The following TSPAN9 variants were observed in gnomAD, a reference collection of about 807,000 sequenced individuals.
TSPAN9 encodes the protein tetraspanin-9.
TSPAN9 carries 16 observed loss-of-function variants against 31.0 expected under a neutral mutation model. The ratio of observed to expected loss-of-function variants is 0.52; its 90% CI spans 0.35 to 0.78. TSPAN9 has a LOEUF of 0.78. Among genes scored for constraint, TSPAN9 ranks in the 30% least tolerant of loss-of-function variants. The pLI, the probability that TSPAN9 is intolerant of heterozygous loss-of-function variation, is 0.01. For synonymous variants in TSPAN9, 145 were observed against 121.6 expected (o/e 1.19, Z -1.27); for missense variants, 272 against 312.5 (o/e 0.87, Z 0.98).
intron 3 of TSPAN9, among the ~76,000 whole-genome samples, chr12:3,265,181 C>CA (rs1280082865): frequency 6.6e-6 from 1 of 152,204 alleles, no homozygotes. Flanking sequence ...TACTCTTTTC[C>CA]AAAAAGCAGA....
intron 3 of TSPAN9, chr12:3,215,176 G>T (rs1351214449): frequency 6.6e-6 from 1 of 152,276 alleles, no homozygotes; most frequent in Non-Finnish European, 1.5e-5. Flanking sequence ...CGCTTCTCTG[G>T]TGGTTGTGAG....
chr12:3,146,030 G>C (rs945628935), intron 2 of TSPAN9, among the ~76,000 whole-genome samples: 2 of 152,356 alleles, frequency 1.3e-5, no homozygotes, highest in Admixed American at 1.3e-4. Context: ...GCTCCCGCAG[G>C]CACAGGCACG....
intron 2 of TSPAN9, among the ~76,000 whole-genome samples, chr12:3,132,129 A>G (rs112453282): frequency 6.2e-4 from 95 of 152,316 alleles, no homozygotes; most frequent in African/African-American, 2.1e-3. Context: ...ATACTACTCC[A>G]TTATACCTAT....
chr12:3,244,397 G>T (rs532422738), intron 3 of TSPAN9, among the ~76,000 whole-genome samples: 1 of 152,082 alleles, frequency 6.6e-6, no homozygotes, highest in Non-Finnish European at 1.5e-5. Context: ...ACCTACTCCC[G>T]CTCCACCCCA....
chr12:3,080,336 T>TTTG (rs996772754), intron 1 of TSPAN9, among the ~76,000 whole-genome samples: 3 of 152,108 alleles, frequency 2.0e-5, no homozygotes, highest in Non-Finnish European at 4.4e-5. Flanking sequence ...AAATCTTTTT[T>TTTG]TTGTTGTTGT....
intron 2 of TSPAN9, among the ~76,000 whole-genome samples, chr12:3,115,706 C>T (rs1195692361): frequency 6.6e-6 from 1 of 152,182 alleles, no homozygotes; most frequent in African/African-American, 2.4e-5. Flanking sequence ...CTGAAGTCTC[C>T]ATCTTCATGA....
intron 2 of TSPAN9, among the ~76,000 whole-genome samples, chr12:3,086,742 G>T (rs575612133): frequency 6.6e-6 from 1 of 152,206 alleles, no homozygotes; most frequent in Non-Finnish European, 1.5e-5. Context: ...AACTCTCACA[G>T]CACGTTTGTG....
chr12:3,129,725 A>G (rs1285980059), intron 2 of TSPAN9, among the ~76,000 whole-genome samples: 1 of 152,230 alleles, frequency 6.6e-6, no homozygotes, highest in East Asian at 1.9e-4. Context: ...AGCTTAAGCA[A>G]AAATTAAGAG....
chr12:3,224,335 G>A (rs922152264), intron 3 of TSPAN9, among the ~76,000 whole-genome samples: 9 of 152,236 alleles, frequency 5.9e-5, no homozygotes, highest in African/African-American at 9.6e-5. Context: ...TGTGCTAGGC[G>A]CCCTCACGGG....
At chr12:3,194,625 G>A (rs940772014) in intron 2 of TSPAN9, among the ~76,000 whole-genome samples, 3 of 152,120 alleles carry the variant, frequency 2.0e-5, no homozygotes, top group Admixed American at 1.3e-4. Context: ...GGGCTCAAGC[G>A]ATTCACCTGC....
At chr12:3,204,250 C>T (rs921678617) in intron 3 of TSPAN9, among the ~76,000 whole-genome samples, 6 of 152,318 alleles carry the variant, frequency 3.9e-5, no homozygotes, top group Admixed American at 2.6e-4. Flanking sequence ...CCAAACTCAC[C>T]GCTGCCGCCA....
At chr12:3,205,727 C>T (rs569336569) in intron 3 of TSPAN9, among the ~76,000 whole-genome samples, 80 of 37,980 alleles carry the variant, frequency 2.1e-3, no homozygotes, top group Middle Eastern at 0.015. Flanking sequence ...GGCCCCCCCC[C>T]CCCAGAGTGC....
chr12:3,085,964 C>T (rs2098300244), intron 2 of TSPAN9, among the ~76,000 whole-genome samples: 1 of 152,170 alleles, frequency 6.6e-6, no homozygotes, highest in African/African-American at 2.4e-5. Context: ...GTGGCGGGGT[C>T]CTACTGCCTG....
intron 1 of TSPAN9, among the ~76,000 whole-genome samples, chr12:3,079,744 G>C (rs1311882323): frequency 2.0e-5 from 3 of 150,944 alleles, no homozygotes; most frequent in African/African-American, 4.9e-5. Context: ...TTACAGGCAT[G>C]AACCACCGTA....
chr12:3,105,904 A>ATGTTCTCAGG (rs2098314392), intron 2 of TSPAN9, among the ~76,000 whole-genome samples: 1 of 151,456 alleles, frequency 6.6e-6, no homozygotes, highest in Non-Finnish European at 1.5e-5. Context: ...ACGGGCACTC[A>ATGTTCTCAGG]TGTTCTCAGG....
intron 3 of TSPAN9, among the ~76,000 whole-genome samples, chr12:3,212,187 G>T (rs903116033): frequency 1.3e-5 from 2 of 151,618 alleles, no homozygotes; most frequent in African/African-American, 4.8e-5. Flanking sequence ...GCCCAGGCTG[G>T]TCTCGAACTT....
intron 2 of TSPAN9, among the ~76,000 whole-genome samples, chr12:3,179,274 G>A (rs1240473771): frequency 2.6e-5 from 4 of 152,122 alleles, no homozygotes; most frequent in South Asian, 2.1e-4. Flanking sequence ...TACACACCCC[G>A]ACACTCACCC....
chr12:3,262,931 G>A (rs568858789), intron 3 of TSPAN9, among the ~76,000 whole-genome samples: 1 of 152,286 alleles, frequency 6.6e-6, no homozygotes, highest in South Asian at 2.1e-4. Context: ...GCATCTCCGA[G>A]CCTCGGTTTC....
intron 2 of TSPAN9, among the ~76,000 whole-genome samples, chr12:3,145,903 A>G (rs1388770278): frequency 6.6e-6 from 1 of 152,248 alleles, no homozygotes; most frequent in Non-Finnish European, 1.5e-5. Context: ...TAGCATGGGC[A>G]CAGGGGAGGG....
Sources: gnomAD v4.1 joint callset for allele counts (sites outside exome capture counted in the v4.1 genomes callset) on GRCh38, gnomAD v4.1.1 for gene constraint, MANE v1.5 for transcripts, NCBI Gene and HGNC (gene_info 2026-07-23, HGNC 2026-07-21) for gene names.